EYS: variants seen among roughly 807,000 people sequenced by gnomAD.
EYS encodes the protein EGF-like photoreceptor maintenance factor.
A neutral mutation model predicts 282.1 loss-of-function variants in EYS; 250 were observed. The observed-to-expected ratio is 0.89, with a 90% CI of 0.80 to 0.98. EYS has a LOEUF of 0.98. Among genes scored for constraint, EYS ranks in the 50% least tolerant of loss-of-function variants. The probability of loss-of-function intolerance (pLI) is 0.00; values close to 1 mark genes in which losing one functional copy is unlikely to be tolerated. For missense variants in EYS, 4,016 were observed against 3,709.0 expected (o/e 1.08, Z -2.15); for synonymous variants, 1,355 against 1,282.9 (o/e 1.06, Z -1.20).
chr6:64,499,534 C>A (rs888111649), intron 26 of EYS, among the ~76,000 whole-genome samples: 1 of 152,074 alleles, frequency 6.6e-6, no homozygotes, highest in Admixed American at 6.5e-5. Flanking sequence ...AGGAGTGAGA[C>A]TTTTGCACTG....
intron 5 of EYS, among the ~76,000 whole-genome samples, chr6:65,428,940 T>G (rs914601889): frequency 8.6e-5 from 13 of 151,964 alleles, no homozygotes; most frequent in African/African-American, 2.9e-4. Flanking sequence ...CCTGGCACTT[T>G]GGGAGGCCGA....
intron 6 of EYS, among the ~76,000 whole-genome samples, chr6:65,404,252 C>G (rs554453123): frequency 6.6e-6 from 1 of 152,100 alleles, no homozygotes; most frequent in African/African-American, 2.4e-5. Context: ...TTTAAAGGAC[C>G]CTTGTGATTA....
In EYS at chr6:65,207,621, T is replaced by C. The variant is rs571858839; in HGVS notation, c.2023+88242A>G. On this transcript the variant is annotated intron_variant, in intron 12 of 42. Transcript: ENST00000503581. Reference sequence around the variant, plus strand: ...CCGGAGACATCACATTACCTGACGATAACACATACTACAAGGGTATACGAA... The same window carrying C: ...CCGGAGACATCACATTACCTGACGACAACACATACTACAAGGGTATACGAA... Among the ~76,000 whole-genome samples, 6 of 151,650 alleles carry C rather than the reference T, an allele frequency of 4.0e-5. No homozygotes were observed. The South Asian group carries it at 1.2e-3, about 31-fold the overall frequency.
chr6:64,180,518 C>G (rs1011955961), intron 31 of EYS, among the ~76,000 whole-genome samples: 1 of 152,028 alleles, frequency 6.6e-6, no homozygotes, highest in Non-Finnish European at 1.5e-5. Flanking sequence ...TGAATGATCT[C>G]AACACCTCAG....
At chr6:64,196,508 T>C (rs991701196) in intron 31 of EYS, among the ~76,000 whole-genome samples, 2 of 152,050 alleles carry the variant, frequency 1.3e-5, no homozygotes, top group African/African-American at 4.8e-5. Flanking sequence ...TGTCCAACAA[T>C]GATAGACTGG....
intron 30 of EYS, among the ~76,000 whole-genome samples, chr6:64,260,208 G>A (rs1004227173): frequency 4.6e-5 from 7 of 151,858 alleles, no homozygotes; most frequent in Admixed American, 6.6e-5. Flanking sequence ...CTGGAGTTTC[G>A]CTATCTTAAA....
intron 33 of EYS, among the ~76,000 whole-genome samples, chr6:64,064,562 G>C (rs1192552154): frequency 6.6e-6 from 1 of 151,952 alleles, no homozygotes; most frequent in Non-Finnish European, 1.5e-5. Context: ...CTTAAGTTTT[G>C]ATAAAATTAA....
intron 26 of EYS, among the ~76,000 whole-genome samples, chr6:64,497,780 A>G (rs1304417086): frequency 1.3e-5 from 2 of 152,160 alleles, no homozygotes; most frequent in East Asian, 1.9e-4. Context: ...TGCTGTTTTG[A>G]TTATTTGTTT....
intron 2 of EYS, among the ~76,000 whole-genome samples, chr6:65,549,191 C>T (rs1439013088): frequency 6.6e-6 from 1 of 152,158 alleles, no homozygotes; most frequent in Non-Finnish European, 1.5e-5. Context: ...AGGACGCTTG[C>T]TGTAGCAGAT....
At position 64,902,420 on chromosome 6, in the gene EYS, T is replaced by C. The variant is rs951142049; in HGVS notation, c.2722A>G (p.Met908Val). Residue 908 changes from methionine to valine, a missense_variant, in exon 17 of 43, where the codon ATG becomes GTG. Physicochemically the swap from Met to Val is conservative, Grantham distance 21. Coordinates refer to ENST00000503581, the MANE Select transcript of EYS (RefSeq NM_001142800.2). ...TTTCTGTACCTGAAATTGTTGACCA[T>C]ATCTTCACAGTCACCATAATCCTGG... The part of the protein sequence containing the change: ...SCQDYGDCED[M>V]VNNFRCICRP... 3 of 1,539,586 alleles carry C rather than the reference T, an allele frequency of 1.9e-6. No homozygotes were observed. Among genetic ancestry groups the C allele is most frequent in the East Asian group, 2.5e-5 (1 of 40,734 alleles).
At chr6:64,054,622 G>A (rs918266799) in intron 33 of EYS, among the ~76,000 whole-genome samples, 1 of 152,188 alleles carries the variant, frequency 6.6e-6, no homozygotes, top group Non-Finnish European at 1.5e-5. Context: ...TCAGGAATGA[G>A]TTGTATAGCA....
intron 1 of EYS, among the ~76,000 whole-genome samples, chr6:65,665,259 T>C (rs373533110): frequency 2.6e-5 from 4 of 152,184 alleles, no homozygotes; most frequent in East Asian, 3.9e-4. Context: ...GGCAGTCTTA[T>C]TTGTGCTATG....
At position 64,285,500 on chromosome 6, in the gene EYS, C is replaced by T. The variant is rs139066193; in HGVS notation, c.6191+21470G>A. 5.7e-3 allele frequency among the ~76,000 whole-genome samples: 875 copies of T among 152,284 alleles called. 2 individuals are homozygous for T. The highest frequency in any genetic ancestry group is 9.5e-3 in the Non-Finnish European group (645 of 68,022). Reference sequence around the variant, plus strand: ...TATCAGTATTTTTGTCAAAGCCATTCAAGTGTCTAGGAAGTTCCAAACTTT... The same window carrying T: ...TATCAGTATTTTTGTCAAAGCCATTTAAGTGTCTAGGAAGTTCCAAACTTT... On this transcript the variant is annotated intron_variant, in intron 30 of 42. Coordinates refer to ENST00000503581, the MANE Select transcript of EYS (RefSeq NM_001142800.2).
chr6:63,771,264 G>A (rs1194993213), intron 40 of EYS, among the ~76,000 whole-genome samples: 1 of 152,094 alleles, frequency 6.6e-6, no homozygotes, highest in Non-Finnish European at 1.5e-5. Flanking sequence ...CTTGTGGTTT[G>A]TTTTAACCTA....
chr6:65,467,565 A>G (rs1231726352), intron 5 of EYS, among the ~76,000 whole-genome samples: 9 of 152,042 alleles, frequency 5.9e-5, no homozygotes, highest in African/African-American at 2.2e-4. Context: ...TATGAGAGAA[A>G]CTATCATAAT....
At chr6:65,626,573 C>T (rs892890508) in intron 2 of EYS, among the ~76,000 whole-genome samples, 1 of 151,872 alleles carries the variant, frequency 6.6e-6, no homozygotes, top group Non-Finnish European at 1.5e-5. Context: ...TTAAACAAAC[C>T]CTAATTTTTT....
At chr6:63,820,295 C>A (rs571114797) in intron 36 of EYS, among the ~76,000 whole-genome samples, 1 of 152,182 alleles carries the variant, frequency 6.6e-6, no homozygotes, top group South Asian at 2.1e-4. Flanking sequence ...TGTTCATATG[C>A]TTTACTTATT....
chr6:65,412,321 AG>A (rs1767054490), intron 5 of EYS, among the ~76,000 whole-genome samples: 1 of 152,176 alleles, frequency 6.6e-6, no homozygotes, highest in Non-Finnish European at 1.5e-5. Flanking sequence ...ATTAATATAT[AG>A]GCTTCAGTGT....
At chr6:65,280,001 G>A (rs141069462) in intron 12 of EYS, among the ~76,000 whole-genome samples, 2 of 151,994 alleles carry the variant, frequency 1.3e-5, no homozygotes, top group Admixed American at 6.6e-5. Flanking sequence ...AGTATCACTT[G>A]GAAATAGACC....
Sources: gnomAD v4.1 joint callset for allele counts (sites outside exome capture counted in the v4.1 genomes callset) on GRCh38, gnomAD v4.1.1 for gene constraint, MANE v1.5 for transcripts, NCBI Gene and HGNC (gene_info 2026-07-23, HGNC 2026-07-21) for gene names.